The following TRAPPC9 variants were observed in gnomAD, a reference collection of about 807,000 sequenced individuals.
The protein encoded by TRAPPC9 is IKK2 binding protein.
Under a neutral mutation model 124.0 loss-of-function variants are expected in TRAPPC9, and 83 were observed. The ratio of observed to expected loss-of-function variants is 0.67; its 90% CI spans 0.56 to 0.80. The LOEUF (loss-of-function observed/expected upper bound fraction) is 0.80. Ranked by LOEUF, TRAPPC9 falls within the 30% of genes least tolerant of loss-of-function variation. The probability of loss-of-function intolerance (pLI) is 0.00; values close to 1 mark genes in which losing one functional copy is unlikely to be tolerated. For missense variants in TRAPPC9, 1,302 were observed against 1,508.3 expected, an observed-to-expected ratio of 0.86 and a Z score of 2.27; for synonymous variants, 638 against 617.5, an observed-to-expected ratio of 1.03 and a Z score of -0.49.
intron 5 of TRAPPC9, among the ~76,000 whole-genome samples, chr8:140,419,247 T>C (rs2070073947): frequency 6.6e-6 from 1 of 151,388 alleles, no homozygotes; most frequent in Non-Finnish European, 1.5e-5. Flanking sequence ...GCTAACACGG[T>C]GAAACCCCGT....
intron 5 of TRAPPC9, among the ~76,000 whole-genome samples, chr8:140,425,931 A>C (rs549490510): frequency 6.6e-6 from 1 of 152,210 alleles, no homozygotes; most frequent in Non-Finnish European, 1.5e-5. Flanking sequence ...AACGCCTGCA[A>C]ACCTGGGGCA....
chr8:140,345,752 G>A (rs2067330102), intron 9 of TRAPPC9, among the ~76,000 whole-genome samples: 1 of 152,252 alleles, frequency 6.6e-6, no homozygotes, highest in African/African-American at 2.4e-5. Context: ...CGGGGAGGAA[G>A]AGGATGAGGA....
chr8:140,256,546 C>T (rs80107548), intron 15 of TRAPPC9, among the ~76,000 whole-genome samples: 1,896 of 152,312 alleles, frequency 0.012, 27 homozygotes, highest in African/African-American at 0.043. Context: ...GGCAGGCCCA[C>T]CTGCTTCCGC....
chr8:139,805,159 G>T lies in TRAPPC9; in HGVS notation c.3056-72957C>A, dbSNP rs573863226. 3.3e-5 allele frequency among the ~76,000 whole-genome samples: 5 copies of T among 152,178 alleles called. No individual in the cohort carries two copies. In the East Asian group the frequency reaches 9.7e-4, roughly 29 times the overall value. ...TCTCTCCTGGCCTCCTTCCACTGTTGGATCCACACCAAACCCTGCGGAGAC... is the reference window on the plus strand; with the variant it reads ...TCTCTCCTGGCCTCCTTCCACTGTTTGATCCACACCAAACCCTGCGGAGAC... On this transcript the variant is annotated intron_variant, in intron 21 of 22. Transcript: ENST00000438773.
intron 21 of TRAPPC9, among the ~76,000 whole-genome samples, chr8:139,867,336 G>C (rs891162459): frequency 6.6e-6 from 1 of 152,160 alleles, no homozygotes; most frequent in Non-Finnish European, 1.5e-5. Flanking sequence ...TCTGGGTATC[G>C]AAATAACTAA....
intron 21 of TRAPPC9, among the ~76,000 whole-genome samples, chr8:139,874,042 C>G (rs1185463640): frequency 6.6e-6 from 1 of 152,258 alleles, no homozygotes. Flanking sequence ...GTCAACCACC[C>G]TGAAGGCCAG....
chr8:140,138,772 C>T (rs868348669), intron 17 of TRAPPC9, among the ~76,000 whole-genome samples: 1 of 152,094 alleles, frequency 6.6e-6, no homozygotes, highest in Non-Finnish European at 1.5e-5. Context: ...AAGTGGTAAG[C>T]AAACAAACAG....
At chr8:139,741,749 C>A (rs1404674193) in intron 21 of TRAPPC9, among the ~76,000 whole-genome samples, 1 of 152,150 alleles carries the variant, frequency 6.6e-6, no homozygotes, top group African/African-American at 2.4e-5. Flanking sequence ...CCTACTCTGA[C>A]TCACATATAA....
At chr8:139,952,756 A>G (rs1455907925) in intron 19 of TRAPPC9, among the ~76,000 whole-genome samples, 3 of 152,258 alleles carry the variant, frequency 2.0e-5, no homozygotes. Context: ...GGGTGGTGGC[A>G]GCAGTGACAG....
intron 19 of TRAPPC9, among the ~76,000 whole-genome samples, chr8:139,970,200 A>C (rs1405965172): frequency 6.6e-6 from 1 of 152,208 alleles, no homozygotes; most frequent in Non-Finnish European, 1.5e-5. Flanking sequence ...CCCAAAGAGA[A>C]GGAGCCGGGC....
chr8:139,997,894 T>C, intron 18 of TRAPPC9, among the ~76,000 whole-genome samples: 1 of 43,446 alleles, frequency 2.3e-5, no homozygotes, highest in Non-Finnish European at 5.8e-5. Context: ...AGACAATGCA[T>C]CCCACACAGG....
rs1414250815 is a variant in TRAPPC9, at chr8:139,729,553, C to T, written c.*1508G>A. 6.6e-6 allele frequency among the ~76,000 whole-genome samples: 1 copy of T among 152,232 alleles called. No individual in the cohort carries two copies. The highest frequency in any genetic ancestry group is 2.4e-5 in the African/African-American group (1 of 41,460). On this transcript the variant is annotated 3_prime_UTR_variant, in exon 23 of 23. Transcript: ENST00000438773. ...CTGAGGGCCACTGGACACCCGCCCCCACATGCCCCCAGCCCACACCACATC... is the reference window on the plus strand; with the variant it reads ...CTGAGGGCCACTGGACACCCGCCCCTACATGCCCCCAGCCCACACCACATC...
At chr8:140,240,410 G>A (rs763176728) in intron 16 of TRAPPC9, among the ~76,000 whole-genome samples, 2 of 152,062 alleles carry the variant, frequency 1.3e-5, no homozygotes, top group Non-Finnish European at 2.9e-5. Flanking sequence ...CCCAGGCTAC[G>A]GGATCTCCCC....
chr8:140,135,261 C>G (rs1476098145), intron 17 of TRAPPC9, among the ~76,000 whole-genome samples: 1 of 152,094 alleles, frequency 6.6e-6, no homozygotes, highest in Non-Finnish European at 1.5e-5. Context: ...GGTAGTTCCT[C>G]CAAAAACTAA....
chr8:139,834,284 C>T (rs1826184520), intron 21 of TRAPPC9, among the ~76,000 whole-genome samples: 2 of 152,194 alleles, frequency 1.3e-5, no homozygotes, highest in African/African-American at 2.4e-5. Context: ...GGTGCCTACA[C>T]CAGCTGGCAG....
At chr8:140,361,907 G>A (rs1245088072) in intron 8 of TRAPPC9, among the ~76,000 whole-genome samples, 1 of 152,124 alleles carries the variant, frequency 6.6e-6, no homozygotes, top group Non-Finnish European at 1.5e-5. Context: ...GCAAATAGCA[G>A]GGGCCCTTCC....
intron 21 of TRAPPC9, among the ~76,000 whole-genome samples, chr8:139,800,817 C>T (rs1053848559): frequency 4.5e-4 from 68 of 150,368 alleles, no homozygotes; most frequent in African/African-American, 1.6e-3. Context: ...CCTTCCCTCC[C>T]TCCAGCACCT....
At chr8:140,350,296 G>A (rs2067519182) in intron 9 of TRAPPC9, among the ~76,000 whole-genome samples, 1 of 152,138 alleles carries the variant, frequency 6.6e-6, no homozygotes, top group Non-Finnish European at 1.5e-5. Context: ...CCATCAAGGT[G>A]ACTTTGATAG....
At chr8:140,292,219 G>A (rs62527546) in intron 11 of TRAPPC9, among the ~76,000 whole-genome samples, 17,731 of 152,178 alleles carry the variant, frequency 0.12, 1,410 homozygotes, top group African/African-American at 0.22. Context: ...GCATGTGTTA[G>A]GTGTGAGGCA....
Sources: allele counts gnomAD v4.1 joint callset (sites outside exome capture counted in the v4.1 genomes callset), GRCh38; gene constraint gnomAD v4.1.1; transcripts MANE v1.5; gene names NCBI Gene and HGNC (gene_info 2026-07-23, HGNC 2026-07-21).